The following CCDC81 variants were observed in gnomAD, a reference collection of about 807,000 sequenced individuals.
The protein encoded by CCDC81 is coiled-coil domain-containing protein 81.
CCDC81 carries 79 observed loss-of-function variants against 83.7 expected under a neutral mutation model. The ratio of observed to expected loss-of-function variants is 0.94; its 90% confidence interval spans 0.79 to 1.14. The LOEUF (loss-of-function observed/expected upper bound fraction) is 1.14. CCDC81 is among the 50% of genes most tolerant of loss of function. The pLI, the probability that CCDC81 is intolerant of heterozygous loss-of-function variation, is 0.00. For synonymous variants in CCDC81, 252 were observed against 278.1 expected, an observed-to-expected ratio of 0.91 and a Z score of 0.93; for missense variants, 791 against 778.1, an observed-to-expected ratio of 1.02 and a Z score of -0.20.
intron 7 of CCDC81, among the ~76,000 whole-genome samples, chr11:86,404,201 C>T (rs536737439): frequency 7.2e-5 from 11 of 152,242 alleles, no homozygotes; most frequent in African/African-American, 1.9e-4. Context: ...GCATTCGCCC[C>T]ACCCCAGATT....
At position 86,395,210 on chromosome 11, in the gene CCDC81, C is replaced by T. The variant is rs574261046; in HGVS notation, c.556-124C>T. 232 of 661,860 alleles carry T rather than the reference C, an allele frequency of 3.5e-4. 2 individuals are homozygous for T. The highest frequency in any genetic ancestry group is 2.9e-3 in the African/African-American group (161 of 54,890). The allele number at this position is 661,860 out of a possible 1,614,324, so 41.0% of individuals were successfully genotyped here. On this transcript the variant is annotated intron_variant, in intron 4 of 14. Coordinates refer to ENST00000445632, the MANE Select transcript of CCDC81 (RefSeq NM_001156474.2). ...GATTTTTAAGCTCTGGACTTATAAGCGCTTAACATAAACAACAACAAGAAA... is the reference window on the plus strand; with the variant it reads ...GATTTTTAAGCTCTGGACTTATAAGTGCTTAACATAAACAACAACAAGAAA...
chr11:86,421,276 G>A (rs1948785080), intron 14 of CCDC81, among the ~76,000 whole-genome samples: 1 of 152,076 alleles, frequency 6.6e-6, no homozygotes, highest in Non-Finnish European at 1.5e-5. Flanking sequence ...CACTTCCAAG[G>A]TAGTTTATTC....
chr11:86,409,091 A>G (rs1280958889), intron 9 of CCDC81, among the ~76,000 whole-genome samples, 170 bp from the exon 10 acceptor site: 4 of 152,286 alleles, frequency 2.6e-5, no homozygotes, highest in Middle Eastern at 3.4e-3. Flanking sequence ...ACCTTTCCCA[A>G]TCTACTTTTA....
intron 1 of CCDC81, among the ~76,000 whole-genome samples, chr11:86,376,761 C>T (rs974127663): frequency 3.3e-5 from 5 of 152,182 alleles, no homozygotes; most frequent in African/African-American, 7.2e-5. Context: ...CATCCCTCAC[C>T]GGAGTGGTAC....
intron 4 of CCDC81, 47 bp downstream of exon 4, chr11:86,392,844 C>A: frequency 6.6e-7 from 1 of 1,520,640 alleles, no homozygotes; most frequent in South Asian, 1.3e-5. Context: ...AATTGTGGTT[C>A]TGACTCATCT....
chr11:86,402,962 C>T lies in CCDC81; in HGVS notation c.881+2161C>T, dbSNP rs180942663. Among the ~76,000 whole-genome samples the T allele has an allele frequency of 1.3e-3, 201 of 151,668 alleles. 1 individual carries two copies. Among genetic ancestry groups the T allele is most frequent in the African/African-American group, 4.7e-3 (195 of 41,334 alleles). ...CAAGTGATTTTCCTGCCTCAGACCCCGAGTAGCTGGGACTATAGGTGTGCA... is the reference window on the plus strand; with the variant it reads ...CAAGTGATTTTCCTGCCTCAGACCCTGAGTAGCTGGGACTATAGGTGTGCA... On this transcript the variant is annotated intron_variant, in intron 7 of 14. Transcript: ENST00000445632.
intron 7 of CCDC81, 140 bp from the exon 8 acceptor site, chr11:86,407,474 T>C (rs1948578701): frequency 1.7e-6 from 1 of 599,106 alleles, no homozygotes; most frequent in African/African-American, 1.9e-5. Flanking sequence ...GTGGTACATA[T>C]TCTTAACCTC....
rs368104940 is a variant in CCDC81, at chr11:86,422,916, T to C, written c.*201T>C. The stretch of plus-strand genomic sequence containing the variant: ...CCCAATTATTTCCTATACTAGTTTC[T>C]GATGGCAGTGAAGGTGTCTGAATGG... On this transcript the variant is annotated 3_prime_UTR_variant, in exon 15 of 15. Coordinates refer to ENST00000445632, the MANE Select transcript of CCDC81 (RefSeq NM_001156474.2). 6 of 566,772 alleles carry C rather than the reference T, an allele frequency of 1.1e-5. No homozygotes were observed. The highest frequency in any genetic ancestry group is 9.4e-5 in the East Asian group (3 of 31,892). The allele number at this position is 566,772 out of a possible 1,614,324, so 35.1% of individuals were successfully genotyped here.
chr11:86,402,134 C>CA (rs540502448), intron 7 of CCDC81, among the ~76,000 whole-genome samples: 28,373 of 89,042 alleles, frequency 0.32, 5,010 homozygotes, highest in East Asian at 0.49. Flanking sequence ...GACTCTGTCT[C>CA]AAAAAAAAAA....
intron 1 of CCDC81, among the ~76,000 whole-genome samples, chr11:86,376,504 G>A (rs938278511): frequency 6.6e-5 from 10 of 152,102 alleles, no homozygotes; most frequent in South Asian, 4.1e-4. Context: ...AGAGAAGCCC[G>A]GGGGACCAGG....
intron 4 of CCDC81, 47 bp from the exon 5 acceptor site, chr11:86,395,287 C>A: frequency 6.7e-7 from 1 of 1,496,118 alleles, no homozygotes; most frequent in Non-Finnish European, 9.3e-7. Context: ...TTGTCTGAGT[C>A]CTGGACCTCA....
intron 1 of CCDC81, among the ~76,000 whole-genome samples, chr11:86,376,309 G>A (rs1948097442): frequency 6.6e-6 from 1 of 152,168 alleles, no homozygotes; most frequent in Non-Finnish European, 1.5e-5. Flanking sequence ...AATTAAGAAG[G>A]AGGGACAATA....
intron 5 of CCDC81, 100 bp downstream of exon 5, chr11:86,395,513 C>G (rs1325857497): frequency 1.2e-6 from 1 of 862,996 alleles, no homozygotes; most frequent in Non-Finnish European, 1.9e-6. Context: ...AGCTCATGTT[C>G]CTTTTAATGT....
chr11:86,420,477 C>A (rs1474145302), intron 14 of CCDC81, among the ~76,000 whole-genome samples: 1 of 151,928 alleles, frequency 6.6e-6, no homozygotes, highest in East Asian at 1.9e-4. Context: ...TGGAGCCAAC[C>A]AAGAGCATCT....
chr11:86,395,731 T>C (rs1428761018), intron 5 of CCDC81, among the ~76,000 whole-genome samples: 1 of 152,202 alleles, frequency 6.6e-6, no homozygotes, highest in Non-Finnish European at 1.5e-5. Flanking sequence ...AGCAATTCTC[T>C]CCTGCCTCAG....
At chr11:86,385,986 A>G (rs1948236158) in intron 1 of CCDC81, 65 bp from the exon 2 acceptor site, 4 of 757,186 alleles carry the variant, frequency 5.3e-6, no homozygotes, top group Middle Eastern at 2.6e-4. Flanking sequence ...ATTTATTAGC[A>G]CTAAGATACT....
intron 3 of CCDC81, among the ~76,000 whole-genome samples, chr11:86,390,531 T>C (rs1414598925): frequency 2.0e-5 from 3 of 152,116 alleles, no homozygotes; most frequent in Non-Finnish European, 4.4e-5. Flanking sequence ...ACAGATAGGA[T>C]TAATTTAGAA....
At chr11:86,405,508 T>G (rs975923089) in intron 7 of CCDC81, among the ~76,000 whole-genome samples, 2 of 152,208 alleles carry the variant, frequency 1.3e-5, no homozygotes, top group African/African-American at 4.8e-5. Flanking sequence ...TATTTTCTAT[T>G]TACTGTGCAT....
intron 1 of CCDC81, among the ~76,000 whole-genome samples, chr11:86,385,601 C>A (rs949487202): frequency 6.6e-6 from 1 of 152,144 alleles, no homozygotes; most frequent in Non-Finnish European, 1.5e-5. Context: ...CACACAACAG[C>A]CTTTCACGCC....
Sources: allele counts gnomAD v4.1 joint callset (sites outside exome capture counted in the v4.1 genomes callset), GRCh38; gene constraint gnomAD v4.1.1; transcripts MANE v1.5; gene names NCBI Gene and HGNC (gene_info 2026-07-23, HGNC 2026-07-21).